Variants in GOLGA3 observed in about 807,000 individuals in gnomAD.
GOLGA3 encodes golgin subfamily A member 3.
Under a neutral mutation model 169.4 loss-of-function variants are expected in GOLGA3, and 75 were observed. That is an observed-to-expected ratio of 0.44 (90% CI 0.37 to 0.54). The LOEUF is 0.54. Ranked by LOEUF, GOLGA3 falls within the 20% of genes least tolerant of loss-of-function variation. GOLGA3 has a pLI of 0.00. For synonymous variants in GOLGA3, 824 were observed against 822.4 expected, an observed-to-expected ratio of 1.00 and a Z score of -0.03; for missense variants, 1,899 against 1,930.0, an observed-to-expected ratio of 0.98 and a Z score of 0.30.
chr12:132,804,085 GC>G lies in GOLGA3; in HGVS notation c.1597+630del, dbSNP rs1480852697. On this transcript the variant is annotated intron_variant, in intron 7 of 23. Transcript: ENST00000450791. The surrounding 1 kb of genome is among the most constrained non-coding windows in gnomAD (Gnocchi z 4.1). ...AGGCGTGCTGCCAAGCCACATGGAAGCCCGCCGCGGCTTCCGCAATCCACTG... is the reference window on the plus strand; with the variant it reads ...AGGCGTGCTGCCAAGCCACATGGAAGCCGCCGCGGCTTCCGCAATCCACTG... Among the ~76,000 whole-genome samples, 1 of 152,210 alleles carries G rather than the reference GC, an allele frequency of 6.6e-6. No homozygotes were observed. The highest frequency in any genetic ancestry group is 1.9e-4 in the East Asian group (1 of 5,190).
chr12:132,811,516 A>G (rs1949707204), intron 4 of GOLGA3, among the ~76,000 whole-genome samples: 2 of 151,698 alleles, frequency 1.3e-5, no homozygotes. Context: ...GCTGGAGTGC[A>G]GTGGTGCAAT....
In GOLGA3 at chr12:132,772,745, C is replaced by A; in HGVS notation, c.*360G>T. 5.2e-6 allele frequency: 1 copy of A among 190,780 alleles called. No homozygotes were observed. Among genetic ancestry groups the A allele is most frequent in the East Asian group, 1.2e-4 (1 of 8,150 alleles). 11.8% of individuals were successfully genotyped at this position (190,780 alleles called of 1,614,324 possible). A position where few individuals can be genotyped will look rare whatever the true frequency, so the allele number is the denominator to read the frequency against. On this transcript the variant is annotated 3_prime_UTR_variant, in exon 24 of 24. Transcript: ENST00000450791. ...CAGCCGGCCTGGCCAGGCGCGGTGC[C>A]GCAGACCCTGTCACACAGCTGCTCC...
At position 132,770,126 on chromosome 12, in the gene GOLGA3, G is replaced by C. The variant is rs983325706; in HGVS notation, c.*2979C>G. On this transcript the variant is annotated 3_prime_UTR_variant, in exon 24 of 24. Coordinates refer to ENST00000450791, the MANE Select transcript of GOLGA3 (RefSeq NM_001389683.1). ...CGGGCACCTGTAATCCCAGCTACTG[G>C]GGAGAATGAGGCAGGAGAATCGCTT... is the stretch of plus-strand genomic sequence containing the variant. 2.6e-5 allele frequency: 4 copies of C among 151,966 alleles called. No individual in the cohort carries two copies. The highest frequency in any genetic ancestry group is 2.6e-4 in the Admixed American group (4 of 15,252). The allele number at this position is 151,966 out of a possible 1,614,324, so 9.4% of individuals were successfully genotyped here.
chr12:132,774,624 A>G (rs2045115971), intron 22 of GOLGA3: 2 of 463,374 alleles, frequency 4.3e-6, no homozygotes. Flanking sequence ...TTCTCCCATC[A>G]GATACTCAAG....
At chr12:132,828,129 C>T (rs925777299) in intron 1 of GOLGA3, among the ~76,000 whole-genome samples, 6 of 152,160 alleles carry the variant, frequency 3.9e-5, no homozygotes, top group African/African-American at 1.4e-4. Flanking sequence ...GCTTGCTTCT[C>T]GTCATAGAGG....
intron 1 of GOLGA3, among the ~76,000 whole-genome samples, chr12:132,826,970 AGAGAG>A (rs1406641514): frequency 6.6e-6 from 1 of 152,180 alleles, no homozygotes; most frequent in Non-Finnish European, 1.5e-5. Flanking sequence ...CTGCGTCTCT[AGAGAG>A]AAGAGACAGG....
At chr12:132,814,480 G>A (rs946137671) in intron 3 of GOLGA3, among the ~76,000 whole-genome samples, 1 of 152,190 alleles carries the variant, frequency 6.6e-6, no homozygotes, top group Non-Finnish European at 1.5e-5. Flanking sequence ...CGGCACCGTG[G>A]AGTTACAGGC....
intron 18 of GOLGA3, among the ~76,000 whole-genome samples, chr12:132,779,809 G>A (rs1236626302): frequency 2.3e-4 from 23 of 101,584 alleles, no homozygotes; most frequent in South Asian, 6.6e-4. Context: ...AGGCACACAC[G>A]TGTGTGCACA....
At position 132,777,094 on chromosome 12, in the gene GOLGA3, G is replaced by C. The variant is rs769101985; in HGVS notation, c.3723-4C>G. The C allele has an allele frequency of 1.3e-6, 2 of 1,575,844 alleles. No homozygotes were observed. Among genetic ancestry groups the C allele is most frequent in the South Asian group, 2.3e-5 (2 of 85,192 alleles). On this transcript the variant is annotated splice_polypyrimidine_tract_variant and splice_region_variant and intron_variant, in intron 19 of 23. Transcript: ENST00000450791. The surrounding 1 kb of genome is among the most constrained non-coding windows in gnomAD (Gnocchi z 4.7). ...GGAATGTTTCCCCTCCCGAATCCTA[G>C]CGTAAAAAAACAAGAAAGAAGGGAA...
intron 4 of GOLGA3, chr12:132,811,830 C>T: frequency 2.1e-6 from 2 of 963,592 alleles, no homozygotes; most frequent in Middle Eastern, 5.3e-4. Context: ...TATTGATCTT[C>T]TTCTACTGAA....
At chr12:132,827,400 G>T (rs1277366763) in intron 1 of GOLGA3, among the ~76,000 whole-genome samples, 2 of 152,234 alleles carry the variant, frequency 1.3e-5, no homozygotes, top group Non-Finnish European at 2.9e-5. Flanking sequence ...ACCTGTGAGA[G>T]CCTGGGCTAA....
chr12:132,795,784 G>A, intron 11 of GOLGA3, 68 bp downstream of exon 11: 1 of 1,453,824 alleles, frequency 6.9e-7, no homozygotes, highest in Non-Finnish European at 9.4e-7. Flanking sequence ...AAAGAAAGAA[G>A]CAAATAATCA....
chr12:132,790,776 G>A (rs1041708063), intron 12 of GOLGA3, among the ~76,000 whole-genome samples: 12 of 151,932 alleles, frequency 7.9e-5, no homozygotes, highest in Non-Finnish European at 7.4e-5. Context: ...GGCCGGGCGC[G>A]GTGACTCATA....
At position 132,773,242 on chromosome 12, in the gene GOLGA3, G is replaced by A. The variant is rs760366618; in HGVS notation, c.4360C>T (p.His1454Tyr). ...RQMEEHALTV[H>Y]ESLSSWTPLE... is the part of the protein sequence containing the mutation. ...GGCGTCCACGAGGACAGAGACTCGT[G>A]CACCGTCAGGGCGTGCTCCTCCATC... is the stretch of plus-strand genomic sequence containing the variant. The change falls in exon 24 of 24, where the codon CAC becomes TAC. Residue 1454 changes from histidine (H) to tyrosine (Y), a missense_variant. Transcript: ENST00000450791. 14 of 1,546,362 alleles carry A rather than the reference G, an allele frequency of 9.1e-6. No homozygotes were observed. In the South Asian group the frequency reaches 1.5e-4, roughly 17 times the overall value.
chr12:132,773,432 G>GCA, intron 23 of GOLGA3, 138 bp from the exon 24 acceptor site: 1 of 451,688 alleles, frequency 2.2e-6, no homozygotes. Context: ...TGAGACCACA[G>GCA]AAGCTCAGCT....
chr12:132,797,528 T>C (rs1233302136), intron 9 of GOLGA3, among the ~76,000 whole-genome samples: 1 of 152,144 alleles, frequency 6.6e-6, no homozygotes, highest in Non-Finnish European at 1.5e-5. Context: ...CTGGCCAACA[T>C]GGCGAGACCC....
chr12:132,776,896 G>A (rs1407818129), intron 20 of GOLGA3, 62 bp downstream of exon 20: 2 of 1,546,600 alleles, frequency 1.3e-6, no homozygotes, highest in East Asian at 4.5e-5. Flanking sequence ...GCAGGATGGA[G>A]TGAAGTCACC....
chr12:132,823,741 C>G (rs1394920740), intron 1 of GOLGA3, among the ~76,000 whole-genome samples: 1 of 151,390 alleles, frequency 6.6e-6, no homozygotes, highest in Admixed American at 6.6e-5. Context: ...GAACCAAGAC[C>G]ACGCCATTGC....
At chr12:132,773,437 TCA>T in intron 23 of GOLGA3, 143 bp from the exon 24 acceptor site, 8 of 421,898 alleles carry the variant, frequency 1.9e-5, no homozygotes, top group South Asian at 1.3e-4. Context: ...CCACAGAAGC[TCA>T]GCTGTTCTCA....
Sources: allele counts gnomAD v4.1 joint callset (sites outside exome capture counted in the v4.1 genomes callset), GRCh38; gene constraint gnomAD v4.1.1; non-coding constraint Gnocchi (gnomAD v3.1); transcripts MANE v1.5; gene names NCBI Gene and HGNC (gene_info 2026-07-23, HGNC 2026-07-21).